JARID2: variants seen among roughly 807,000 people sequenced by gnomAD.
The protein encoded by JARID2 is protein Jumonji.
A neutral mutation model predicts 125.6 loss-of-function variants in JARID2; 21 were observed. The observed-to-expected ratio is 0.17, with a 90% CI of 0.12 to 0.24. JARID2 has a LOEUF of 0.24. JARID2 is among the 10% of genes least tolerant of loss of function. The probability of loss-of-function intolerance (pLI) is 1.00; values close to 1 mark genes in which losing one functional copy is unlikely to be tolerated. For synonymous variants in JARID2, 736 were observed against 661.6 expected, an observed-to-expected ratio of 1.11 and a Z score of -1.73; for missense variants, 1,303 against 1,639.6, an observed-to-expected ratio of 0.79 and a Z score of 3.55.
At chr6:15,407,006 T>C (rs933785243) in intron 2 of JARID2, among the ~76,000 whole-genome samples, 2 of 152,100 alleles carry the variant, frequency 1.3e-5, no homozygotes, top group Non-Finnish European at 1.5e-5. Context: ...CGCCTGTAAT[T>C]CCAGTGCTTT....
chr6:15,429,528 C>T (rs1394581717), intron 3 of JARID2, among the ~76,000 whole-genome samples: 1 of 152,058 alleles, frequency 6.6e-6, no homozygotes, highest in Non-Finnish European at 1.5e-5. Context: ...TTCAGCCTCC[C>T]AAAGTGCTGA....
At position 15,406,805 on chromosome 6, in the gene JARID2, G is replaced by T. The variant is rs553259988; in HGVS notation, c.182-3419G>T. Among the ~76,000 whole-genome samples, 8 of 152,222 alleles carry T rather than the reference G, an allele frequency of 5.3e-5. No homozygotes were observed. In the South Asian group the frequency reaches 1.7e-3, roughly 32 times the overall value. On this transcript the variant is annotated intron_variant, in intron 2 of 17. Coordinates refer to ENST00000341776, the MANE Select transcript of JARID2 (RefSeq NM_004973.4). ...TGATTTGCAGGGTGAGAGGGTGGTTGGGGAGAACATTACACATCTCTTTAC... is the reference window on the plus strand; with the variant it reads ...TGATTTGCAGGGTGAGAGGGTGGTTTGGGAGAACATTACACATCTCTTTAC...
chr6:15,454,483 A>T (rs915350606), intron 4 of JARID2, among the ~76,000 whole-genome samples: 8 of 151,974 alleles, frequency 5.3e-5, no homozygotes, highest in Non-Finnish European at 1.2e-4. Context: ...GTTTTTGGAG[A>T]CAGGGTCTTG....
intron 5 of JARID2, among the ~76,000 whole-genome samples, chr6:15,487,067 G>C (rs1456810495): frequency 6.6e-6 from 1 of 152,116 alleles, no homozygotes; most frequent in Non-Finnish European, 1.5e-5. Flanking sequence ...AAGGTAGAGC[G>C]TGAGGTGGGA....
intron 4 of JARID2, among the ~76,000 whole-genome samples, chr6:15,458,662 G>A (rs191626595): frequency 2.6e-5 from 4 of 152,192 alleles, no homozygotes; most frequent in South Asian, 2.1e-4. Context: ...CAATAAATGC[G>A]TGAAAATGCT....
intron 1 of JARID2, among the ~76,000 whole-genome samples, chr6:15,309,486 A>G (rs1761943029): frequency 6.6e-6 from 1 of 152,204 alleles, no homozygotes; most frequent in African/African-American, 2.4e-5. Context: ...GATTGGTTAA[A>G]TTATGGAACG....
At chr6:15,315,681 C>A (rs998278787) in intron 1 of JARID2, among the ~76,000 whole-genome samples, 2 of 152,106 alleles carry the variant, frequency 1.3e-5, no homozygotes, top group Non-Finnish European at 2.9e-5. Context: ...TGTGGTTGTC[C>A]GGAAGTTACC....
At chr6:15,394,908 C>T (rs955197010) in intron 2 of JARID2, among the ~76,000 whole-genome samples, 3 of 150,490 alleles carry the variant, frequency 2.0e-5, no homozygotes, top group African/African-American at 4.9e-5. Flanking sequence ...CGGTCTATTG[C>T]ATGGCCCAGG....
At chr6:15,271,130 A>G (rs567497077) in intron 1 of JARID2, among the ~76,000 whole-genome samples, 1 of 152,086 alleles carries the variant, frequency 6.6e-6, no homozygotes, top group Non-Finnish European at 1.5e-5. Context: ...AGTTCTACAA[A>G]TATTTATTGT....
chr6:15,473,514 G>GGGCCCCCCC (rs1769181602), intron 5 of JARID2, among the ~76,000 whole-genome samples: 2 of 35,066 alleles, frequency 5.7e-5, no homozygotes, highest in Non-Finnish European at 1.5e-4. Context: ...TGATGTGCGT[G>GGGCCCCCCC]CCCCCCCCCC....
At chr6:15,326,066 T>C (rs1581415247) in intron 1 of JARID2, among the ~76,000 whole-genome samples, 1 of 152,270 alleles carries the variant, frequency 6.6e-6, no homozygotes, top group Non-Finnish European at 1.5e-5. Context: ...TAAATATCAA[T>C]GTGTATATGA....
chr6:15,504,613 C>G, intron 9 of JARID2, 21 bp downstream of exon 9: 1 of 1,523,390 alleles, frequency 6.6e-7, no homozygotes, highest in Non-Finnish European at 9.1e-7. Flanking sequence ...GGGCCCCTCA[C>G]GCTGCCTCTC....
At chr6:15,370,068 G>T (rs939249503) in intron 1 of JARID2, among the ~76,000 whole-genome samples, 1 of 152,150 alleles carries the variant, frequency 6.6e-6, no homozygotes, top group African/African-American at 2.4e-5. Context: ...GCGAGTAGGG[G>T]TAAATAAATG....
chr6:15,443,973 C>T (rs1767555923), intron 3 of JARID2, among the ~76,000 whole-genome samples: 1 of 152,152 alleles, frequency 6.6e-6, no homozygotes, highest in Non-Finnish European at 1.5e-5. Flanking sequence ...CCGGCTATGG[C>T]AAATGTTTAT....
Position 15,496,114 on chromosome 6 carries a change from G to T in JARID2, c.907-18G>T, listed in dbSNP as rs1247726539. The T allele has an allele frequency of 1.3e-6, 2 of 1,583,504 alleles. No individual in the cohort carries two copies. Among genetic ancestry groups the T allele is most frequent in the Non-Finnish European group, 8.6e-7 (1 of 1,163,828 alleles). On this transcript the variant is annotated intron_variant, in intron 6 of 17. Coordinates refer to ENST00000341776, the MANE Select transcript of JARID2 (RefSeq NM_004973.4). ...TAATTCTGCGTTTTTTTCCACCTCT[G>T]CTTCTGCTGCTCCACAGGTTTCTAA... is the stretch of plus-strand genomic sequence containing the variant.
intron 1 of JARID2, among the ~76,000 whole-genome samples, chr6:15,257,414 T>C (rs1204795982): frequency 1.3e-5 from 2 of 152,216 alleles, no homozygotes; most frequent in Non-Finnish European, 2.9e-5. Context: ...AAGTGCTGTA[T>C]TTTTGTTACC....
intron 3 of JARID2, 34 bp downstream of exon 3, chr6:15,410,399 C>A: frequency 1.9e-6 from 3 of 1,600,302 alleles, no homozygotes; most frequent in South Asian, 1.1e-5. Flanking sequence ...TTGGTACCTT[C>A]AACCAGGGAC....
At chr6:15,285,423 C>T (rs1398912057) in intron 1 of JARID2, among the ~76,000 whole-genome samples, 2 of 152,254 alleles carry the variant, frequency 1.3e-5, no homozygotes, top group African/African-American at 2.4e-5. Context: ...CCGCGCCCAG[C>T]CGTCAGTGTA....
At chr6:15,343,676 G>A (rs942198290) in intron 1 of JARID2, among the ~76,000 whole-genome samples, 1 of 152,220 alleles carries the variant, frequency 6.6e-6, no homozygotes, top group African/African-American at 2.4e-5. Context: ...TGTTCTCTGA[G>A]TTAATGTTGC....
Sources: gnomAD v4.1 joint callset for allele counts (sites outside exome capture counted in the v4.1 genomes callset) on GRCh38, gnomAD v4.1.1 for gene constraint, MANE v1.5 for transcripts, NCBI Gene and HGNC (gene_info 2026-07-23, HGNC 2026-07-21) for gene names.